Variants in SYNPO2 observed in about 807,000 individuals in gnomAD.
The protein encoded by SYNPO2 is synaptopodin 2.
SYNPO2 carries 56 observed loss-of-function variants against 85.0 expected under a neutral mutation model. The observed-to-expected ratio is 0.66, with a 90% CI of 0.53 to 0.82. The LOEUF (loss-of-function observed/expected upper bound fraction) is 0.82. SYNPO2 is among the 40% of genes least tolerant of loss of function. The pLI is 0.00. For missense variants in SYNPO2, 1,575 were observed against 1,534.2 expected, an observed-to-expected ratio of 1.03 and a Z score of -0.44; for synonymous variants, 602 against 591.1, an observed-to-expected ratio of 1.02 and a Z score of -0.27.
chr4:119,050,302 A>C (rs1156230079), intron 4 of SYNPO2, among the ~76,000 whole-genome samples: 1 of 152,076 alleles, frequency 6.6e-6, no homozygotes, highest in Admixed American at 6.5e-5. Flanking sequence ...ACTGTACTCC[A>C]ACCTGGGTGA....
chr4:118,874,699 A>C (rs1253331290), intron 1 of SYNPO2, among the ~76,000 whole-genome samples: 2 of 152,178 alleles, frequency 1.3e-5, no homozygotes, highest in African/African-American at 4.8e-5. Flanking sequence ...GAGGGCTTTT[A>C]AGAAAAATAA....
At chr4:118,878,857 C>G (rs773429820) in intron 1 of SYNPO2, among the ~76,000 whole-genome samples, 43 of 152,206 alleles carry the variant, frequency 2.8e-4, no homozygotes, top group Non-Finnish European at 2.5e-4. Context: ...AGCAGAGGCA[C>G]CCACTCAGGT....
At chr4:119,051,340 C>T (rs1296867967) in intron 4 of SYNPO2, among the ~76,000 whole-genome samples, 1 of 149,086 alleles carries the variant, frequency 6.7e-6, no homozygotes. Context: ...CAAGCGCCCG[C>T]CACTACGCCC....
intron 1 of SYNPO2, among the ~76,000 whole-genome samples, chr4:118,870,336 C>T (rs796759130): frequency 1.4e-4 from 22 of 152,302 alleles, no homozygotes; most frequent in African/African-American, 4.3e-4. Context: ...CCATTTGAGA[C>T]AGCAAAGGGA....
intron 1 of SYNPO2, among the ~76,000 whole-genome samples, chr4:118,953,303 G>GT (rs896214557): frequency 7.2e-5 from 11 of 152,204 alleles, no homozygotes; most frequent in South Asian, 4.1e-4. Flanking sequence ...TGTTTTCATG[G>GT]TTTTTTTATA....
At chr4:118,869,907 A>G (rs1403541488) in intron 1 of SYNPO2, among the ~76,000 whole-genome samples, 4 of 152,222 alleles carry the variant, frequency 2.6e-5, no homozygotes, top group African/African-American at 2.4e-5. Flanking sequence ...TGAGAAACCT[A>G]TGAGTGAATG....
intron 1 of SYNPO2, among the ~76,000 whole-genome samples, chr4:119,011,412 A>G (rs1737296595): frequency 6.6e-6 from 1 of 152,196 alleles, no homozygotes; most frequent in South Asian, 2.1e-4. Flanking sequence ...ATGGCGAAAT[A>G]CAGTGATTGG....
At chr4:119,008,654 C>T (rs76078381) in intron 1 of SYNPO2, among the ~76,000 whole-genome samples, 44 of 152,122 alleles carry the variant, frequency 2.9e-4, no homozygotes, top group Non-Finnish European at 5.7e-4. Flanking sequence ...TTTTGTTTTA[C>T]AAACAATTTT....
intron 1 of SYNPO2, among the ~76,000 whole-genome samples, chr4:118,889,916 C>T (rs566602138): frequency 3.5e-4 from 54 of 152,180 alleles, no homozygotes; most frequent in Non-Finnish European, 5.1e-4. Context: ...AATTGGCATT[C>T]AGCTAAAATA....
chr4:118,889,524 A>C (rs1186907739), intron 1 of SYNPO2, among the ~76,000 whole-genome samples: 1 of 152,188 alleles, frequency 6.6e-6, no homozygotes, highest in Non-Finnish European at 1.5e-5. Flanking sequence ...AGAAACGCTC[A>C]GTTCAGCATA....
chr4:118,942,541 G>A lies in SYNPO2; in HGVS notation c.105+53400G>A, dbSNP rs1440977158. On this transcript the variant is annotated intron_variant, in intron 1 of 4. Transcript: ENST00000307142. ...AAACATATTTTCATTTACTTTAAAT[G>A]TGAGGGTTTTTTTCTTTCCTTTCAA... Among the ~76,000 whole-genome samples, 6 of 152,266 alleles carry A rather than the reference G, an allele frequency of 3.9e-5. No homozygotes were observed. The East Asian group carries it at 5.8e-4, about 15-fold the overall frequency.
intron 1 of SYNPO2, among the ~76,000 whole-genome samples, chr4:118,976,763 A>G (rs916894598): frequency 6.6e-6 from 1 of 150,880 alleles, no homozygotes; most frequent in Non-Finnish European, 1.5e-5. Context: ...GTGTTTACAA[A>G]CCTTGAGCTA....
intron 1 of SYNPO2, among the ~76,000 whole-genome samples, chr4:118,915,693 C>T (rs1357183276): frequency 6.6e-6 from 1 of 152,046 alleles, no homozygotes; most frequent in Non-Finnish European, 1.5e-5. Context: ...TAGTTGTATA[C>T]CCAGGAATGG....
chr4:118,915,369 T>C lies in SYNPO2; in HGVS notation c.105+26228T>C, dbSNP rs115983383. ...TTACCTTTCTTTTTATATAGTTTTA[T>C]TGAATATTTACACATTCCTAGAAAG... On this transcript the variant is annotated intron_variant, in intron 1 of 4. Transcript: ENST00000307142. Among the ~76,000 whole-genome samples the C allele has an allele frequency of 4.9e-3, 749 of 152,334 alleles. 3 individuals are homozygous for C. The highest frequency in any genetic ancestry group is 0.017 in the African/African-American group (719 of 41,576).
chr4:118,998,929 G>C (rs1178566096), intron 1 of SYNPO2, among the ~76,000 whole-genome samples: 1 of 151,674 alleles, frequency 6.6e-6, no homozygotes, highest in African/African-American at 2.4e-5. Flanking sequence ...ACTTGTACTA[G>C]AATGTGCAGA....
At chr4:118,957,174 C>A (rs1734910473) in intron 1 of SYNPO2, among the ~76,000 whole-genome samples, 1 of 152,196 alleles carries the variant, frequency 6.6e-6, no homozygotes, top group African/African-American at 2.4e-5. Flanking sequence ...AAACTTGGGT[C>A]TTTATTTGGA....
chr4:118,876,697 C>A (rs368024590), intron 1 of SYNPO2, among the ~76,000 whole-genome samples: 9 of 105,290 alleles, frequency 8.5e-5, no homozygotes, highest in Non-Finnish European at 1.6e-4. Context: ...TTCTTTCTTT[C>A]TTTCTTTCTT....
chr4:119,036,253 G>A (rs1446848238), intron 4 of SYNPO2: 19 of 985,288 alleles, frequency 1.9e-5, no homozygotes, highest in Non-Finnish European at 2.3e-5. Flanking sequence ...GTCGTGGGGC[G>A]TGTGCTCATT....
At chr4:118,936,469 C>T (rs1217544133) in intron 1 of SYNPO2, among the ~76,000 whole-genome samples, 1 of 152,042 alleles carries the variant, frequency 6.6e-6, no homozygotes, top group Non-Finnish European at 1.5e-5. Flanking sequence ...TTTATTTTCT[C>T]TTATAAAAAT....
Sources: gnomAD v4.1 joint callset for allele counts (sites outside exome capture counted in the v4.1 genomes callset) on GRCh38, gnomAD v4.1.1 for gene constraint, MANE v1.5 for transcripts, NCBI Gene and HGNC (gene_info 2026-07-23, HGNC 2026-07-21) for gene names.